The following SNAP23 variants were observed in gnomAD, a reference collection of about 807,000 sequenced individuals.
SNAP23 encodes synaptosomal-associated protein 23.
In SNAP23, 11 loss-of-function variants were observed where a neutral mutation model predicts 29.0. The ratio of observed to expected loss-of-function variants is 0.38; its 90% CI spans 0.24 to 0.63. SNAP23 has a LOEUF of 0.63. Among genes scored for constraint, SNAP23 ranks in the 20% least tolerant of loss-of-function variants. The pLI, the probability that SNAP23 is intolerant of heterozygous loss-of-function variation, is 0.58. For synonymous variants in SNAP23, 60 were observed against 82.9 expected (o/e 0.72, Z 1.50); for missense variants, 220 against 253.9 (o/e 0.87, Z 0.91).
chr15:42,492,867 A>G (rs1203294605), upstream of SNAP23: 3 of 152,198 alleles, frequency 2.0e-5, no homozygotes, highest in Non-Finnish European at 2.9e-5. Flanking sequence ...AAAGGCATGC[A>G]ATGGAGGAAC....
intron 1 of SNAP23, among the ~76,000 whole-genome samples, chr15:42,498,265 A>G (rs575456728): frequency 2.0e-5 from 3 of 152,308 alleles, no homozygotes; most frequent in South Asian, 4.1e-4. Flanking sequence ...GCAGTGCCCT[A>G]GCAGAGGTTC....
intron 1 of SNAP23, among the ~76,000 whole-genome samples, chr15:42,503,929 G>T (rs571263922): frequency 1.3e-5 from 2 of 152,274 alleles, no homozygotes; most frequent in African/African-American, 4.8e-5. Context: ...ATGTATATTT[G>T]CATAGTTTTG....
At position 42,532,126 on chromosome 15, in the gene SNAP23, C is replaced by T. The variant is rs1448691305; in HGVS notation, c.*648C>T. On this transcript the variant is annotated 3_prime_UTR_variant, in exon 8 of 8. Transcript: ENST00000249647. ...TTTTTTTTGGAGTCAGAGTCTCGCT[C>T]TCTTGTCCAGGCTGGAGTGCAATAG... 6.6e-6 allele frequency: 1 copy of T among 151,202 alleles called. No homozygotes were observed. The highest frequency in any genetic ancestry group is 2.4e-5 in the African/African-American group (1 of 41,110). The allele number at this position is 151,202 out of a possible 1,614,324, so 9.4% of individuals were successfully genotyped here.
intron 1 of SNAP23, among the ~76,000 whole-genome samples, chr15:42,503,894 T>C (rs1459623755): frequency 6.6e-6 from 1 of 151,730 alleles, no homozygotes; most frequent in Non-Finnish European, 1.5e-5. Context: ...AAGAAAAGAG[T>C]TTTTAAAAAG....
intron 1 of SNAP23, among the ~76,000 whole-genome samples, chr15:42,499,621 T>A (rs1034758856): frequency 1.3e-5 from 2 of 152,238 alleles, no homozygotes; most frequent in African/African-American, 2.4e-5. Flanking sequence ...ATAGCTTTTT[T>A]AGCATCCATT....
intron 5 of SNAP23, among the ~76,000 whole-genome samples, chr15:42,524,498 T>C (rs769528965): frequency 2.0e-5 from 3 of 152,174 alleles, no homozygotes; most frequent in Non-Finnish European, 4.4e-5. Flanking sequence ...TACATTCTCA[T>C]AGGAGCAAGA....
chr15:42,495,868 C>A (rs1225088506), intron 1 of SNAP23, 155 bp downstream of exon 1: 2 of 152,324 alleles, frequency 1.3e-5, no homozygotes, highest in East Asian at 1.9e-4. Flanking sequence ...CAGATGGGCC[C>A]GGAGAGAGGA....
At chr15:42,491,889 A>ATTATTTAT (rs764056114), upstream of SNAP23, among the ~76,000 whole-genome samples, 301 of 142,758 alleles carry the variant, frequency 2.1e-3, 2 homozygotes, top group African/African-American at 7.0e-3. Flanking sequence ...GCCTACATTT[A>ATTATTTAT]TTATTTATTT....
Position 42,532,711 on chromosome 15 carries a change from T to C in SNAP23, c.*1233T>C, listed in dbSNP as rs2141567626. 6.5e-6 allele frequency: 1 copy of C among 152,778 alleles called. No individual in the cohort carries two copies. The highest frequency in any genetic ancestry group is 1.5e-5 in the Non-Finnish European group (1 of 68,032). 9.5% of individuals were successfully genotyped at this position (152,778 alleles called of 1,614,324 possible). ...CTCAATGCTAAGAATTATGTTTAGT[T>C]AGGAAAAAGGAAAGTCATTTTGACC... is the stretch of plus-strand genomic sequence containing the variant. On this transcript the variant is annotated 3_prime_UTR_variant, in exon 8 of 8. Coordinates refer to ENST00000249647, the MANE Select transcript of SNAP23 (RefSeq NM_003825.4).
Position 42,512,685 on chromosome 15 carries a change from G to T in SNAP23, c.58-270G>T, listed in dbSNP as rs2057366882. ...AACCACCACACCCGGCCATTGTTTT[G>T]TTTTAAAGGGAAGGATAGGCTGGCA... is the stretch of plus-strand genomic sequence containing the variant. On this transcript the variant is annotated intron_variant, in intron 2 of 7. Coordinates refer to ENST00000249647, the MANE Select transcript of SNAP23 (RefSeq NM_003825.4). 2.0e-5 allele frequency among the ~76,000 whole-genome samples: 3 copies of T among 151,526 alleles called. No homozygotes were observed. In the South Asian group the frequency reaches 6.3e-4, roughly 32 times the overall value.
chr15:42,511,107 C>T (rs1459719056), intron 1 of SNAP23, among the ~76,000 whole-genome samples: 2 of 152,196 alleles, frequency 1.3e-5, no homozygotes, highest in African/African-American at 4.8e-5. Flanking sequence ...AGATAACAGC[C>T]GTGCTGAGTA....
Position 42,521,536 on chromosome 15 carries a change from T to G in SNAP23, c.266+6182T>G, listed in dbSNP as rs945728999. The G allele has an allele frequency of 3.3e-6, 5 of 1,502,022 alleles. No individual in the cohort carries two copies. In the African/African-American group the frequency reaches 7.0e-5, roughly 21 times the overall value. The allele number at this position is 1,502,022 out of a possible 1,614,324, so 93.0% of individuals were successfully genotyped here. A position where few individuals can be genotyped will look rare whatever the true frequency, so the allele number is the denominator to read the frequency against. ...ACTTTAAACCTGCTTCTGTTCTGTTTGACTGGCATTTACTATTTTCTGCAT... is the reference window on the plus strand; with the variant it reads ...ACTTTAAACCTGCTTCTGTTCTGTTGGACTGGCATTTACTATTTTCTGCAT... On this transcript the variant is annotated intron_variant, in intron 5 of 7. Transcript: ENST00000249647.
At chr15:42,513,173 G>A in intron 3 of SNAP23, 177 bp downstream of exon 3, 2 of 746,910 alleles carry the variant, frequency 2.7e-6, no homozygotes, top group Non-Finnish European at 4.8e-6. Flanking sequence ...CCCTTTAACA[G>A]TATTGGAATA....
At chr15:42,510,113 A>G (rs1244297408) in intron 1 of SNAP23, among the ~76,000 whole-genome samples, 3 of 152,042 alleles carry the variant, frequency 2.0e-5, no homozygotes, top group African/African-American at 7.2e-5. Context: ...TCAATTAAAA[A>G]CAACTGAAAA....
intron 1 of SNAP23, among the ~76,000 whole-genome samples, chr15:42,502,225 C>A (rs2057277983): frequency 6.6e-6 from 1 of 151,664 alleles, no homozygotes; most frequent in Non-Finnish European, 1.5e-5. Flanking sequence ...ACGGTTTCAC[C>A]TTGTTAGCCA....
At chr15:42,509,690 G>A (rs189626031) in intron 1 of SNAP23, among the ~76,000 whole-genome samples, 423 of 152,072 alleles carry the variant, frequency 2.8e-3, no homozygotes, top group African/African-American at 9.5e-3. Flanking sequence ...CATCCGCCTC[G>A]GCCTCCCAAA....
chr15:42,511,776 C>G (rs1194571689), intron 1 of SNAP23, 57 bp from the exon 2 acceptor site: 1 of 1,089,120 alleles, frequency 9.2e-7, no homozygotes, highest in African/African-American at 1.6e-5. Context: ...CTCACACAAA[C>G]TTTTATATAT....
chr15:42,526,264 C>T (rs2057501591), intron 5 of SNAP23, among the ~76,000 whole-genome samples: 1 of 152,168 alleles, frequency 6.6e-6, no homozygotes, highest in African/African-American at 2.4e-5. Flanking sequence ...ACAAAGAATA[C>T]ATGTGAATAT....
intron 1 of SNAP23, among the ~76,000 whole-genome samples, chr15:42,496,435 G>T (rs2057220166): frequency 1.3e-5 from 2 of 151,798 alleles, no homozygotes; most frequent in Non-Finnish European, 2.9e-5. Context: ...AAGTACCCAA[G>T]GCCGGGCTTG....
Sources: gnomAD v4.1 joint callset for allele counts (sites outside exome capture counted in the v4.1 genomes callset) on GRCh38, gnomAD v4.1.1 for gene constraint, MANE v1.5 for transcripts, NCBI Gene and HGNC (gene_info 2026-07-23, HGNC 2026-07-21) for gene names.